PCDHGA1: variants seen among roughly 807,000 people sequenced by gnomAD.
PCDHGA1 encodes the protein protocadherin gamma-A1.
A neutral mutation model predicts 58.0 loss-of-function variants in PCDHGA1; 32 were observed. The observed-to-expected ratio is 0.55, with a 90% CI of 0.42 to 0.74. The LOEUF is 0.74. PCDHGA1 is among the 30% of genes least tolerant of loss of function. The pLI, the probability that PCDHGA1 is intolerant of heterozygous loss-of-function variation, is 0.00. For synonymous variants in PCDHGA1, 498 were observed against 501.1 expected (o/e 0.99, Z 0.08); for missense variants, 1,205 against 1,182.3 (o/e 1.02, Z -0.28).
At chr5:141,403,054 A>C in intron 1 of PCDHGA1, 1 of 1,614,062 alleles carries the variant, frequency 6.2e-7, no homozygotes, top group Middle Eastern at 1.6e-4. Flanking sequence ...TTCGCTACTC[A>C]GTGCCTGAAG....
chr5:141,509,663 G>A (rs933532930), intron 3 of PCDHGA1, among the ~76,000 whole-genome samples: 1 of 152,140 alleles, frequency 6.6e-6, no homozygotes, highest in Non-Finnish European at 1.5e-5. Context: ...ACTTCTCTGG[G>A]CCCCAGTTTC....
chr5:141,438,627 T>TATAC (rs2098031123), intron 1 of PCDHGA1, among the ~76,000 whole-genome samples: 4 of 48,012 alleles, frequency 8.3e-5, no homozygotes, highest in Admixed American at 6.2e-4. Flanking sequence ...TATATATATA[T>TATAC]ATATATATAC....
At chr5:141,362,593 A>G (rs777823530) in intron 1 of PCDHGA1, 1 of 1,589,406 alleles carries the variant, frequency 6.3e-7, no homozygotes, top group Non-Finnish European at 8.6e-7. Context: ...TTCTGGTTTT[A>G]TTGTTTCACC....
At chr5:141,399,644 A>G (rs2093855347) in intron 1 of PCDHGA1, 2 of 1,613,810 alleles carry the variant, frequency 1.2e-6, no homozygotes, top group Non-Finnish European at 8.5e-7. Context: ...ATGAGCGCGC[A>G]AAGTGGGGTG....
At position 141,512,765 on chromosome 5, in the gene PCDHGA1, G is replaced by C. The variant is rs988707269; in HGVS notation, c.*1592G>C. 1 of 152,668 alleles carries C rather than the reference G, an allele frequency of 6.6e-6. No individual in the cohort carries two copies. The highest frequency in any genetic ancestry group is 1.5e-5 in the Non-Finnish European group (1 of 68,460). The allele number at this position is 152,668 out of a possible 1,614,324, so 9.5% of individuals were successfully genotyped here. On this transcript the variant is annotated 3_prime_UTR_variant, in exon 4 of 4. Transcript: ENST00000517417. ...CCGCGCAGCCGTCTGTCCTTGATCT[G>C]CCCGCGGCGGCCCGTGTTGTGTTTT...
At position 141,331,492 on chromosome 5, in the gene PCDHGA1, G is replaced by A. The variant is rs149650270; in HGVS notation, c.808G>A (p.Asp270Asn). ...QLLMVNATDPDEGANGEVTYS... is the reference protein window; with the variant it reads ...QLLMVNATDPNEGANGEVTYS... ...GCTCATGGTAAATGCCACTGACCCT[G>A]ATGAGGGAGCCAATGGGGAAGTAAC... Residue 270 changes from aspartate to asparagine, a missense_variant, in exon 1 of 4, where the codon GAT becomes AAT. Asp to Asn is a conservative substitution (Grantham distance 23, BLOSUM62 1). Coordinates refer to ENST00000517417, the MANE Select transcript of PCDHGA1 (RefSeq NM_018912.3). The A allele has an allele frequency of 1.4e-4, 230 of 1,614,166 alleles. No individual in the cohort carries two copies. In the African/African-American group the frequency reaches 2.7e-3, roughly 19 times the overall value.
At position 141,505,378 on chromosome 5, in the gene PCDHGA1, C is replaced by T. The variant is rs376550639; in HGVS notation, c.2481-15C>T. 2 of 1,614,034 alleles carry T rather than the reference C, an allele frequency of 1.2e-6. No homozygotes were observed. The highest frequency in any genetic ancestry group is 2.2e-5 in the East Asian group (1 of 44,872). On this transcript the variant is annotated splice_polypyrimidine_tract_variant and intron_variant, in intron 2 of 3. Transcript: ENST00000517417. ...GGCCTGGGAGTCTGTGCTCACCATC[C>T]TACTCTCTCCCCAGCTCCCAAAATG...
At chr5:141,359,955 C>A in intron 1 of PCDHGA1, 1 of 566,746 alleles carries the variant, frequency 1.8e-6, no homozygotes, top group Non-Finnish European at 2.8e-6. Flanking sequence ...GTCAAAAGAA[C>A]GAAGAGAAGC....
intron 1 of PCDHGA1, chr5:141,399,982 A>C: frequency 6.2e-7 from 1 of 1,612,330 alleles, no homozygotes; most frequent in Non-Finnish European, 8.5e-7. Context: ...GGGGCTGCGC[A>C]CAGGAGAGGT....
intron 1 of PCDHGA1, chr5:141,384,047 C>T (rs775378618): frequency 4.3e-6 from 7 of 1,612,190 alleles, no homozygotes; most frequent in African/African-American, 1.3e-5. Flanking sequence ...GGTGAGGTGA[C>T]CTGCACCATT....
rs201895231 is a variant in PCDHGA1 at position 141,392,844 on chromosome 5, G to A, written c.2421+59739G>A. On this transcript the variant is annotated intron_variant, in intron 1 of 3. Coordinates refer to ENST00000517417, the MANE Select transcript of PCDHGA1 (RefSeq NM_018912.3). ...CGCTCCACAGAGTCGCCCCAGACGC[G>A]GCGAGCTGATCCTGCTGTGCGCGCT... The A allele has an allele frequency of 1.3e-5, 21 of 1,609,468 alleles. 1 individual carries two copies. The East Asian group carries it at 1.6e-4, about 12-fold the overall frequency.
chr5:141,372,703 T>C (rs1379730424), intron 1 of PCDHGA1: 1 of 1,614,012 alleles, frequency 6.2e-7, no homozygotes, highest in Non-Finnish European at 8.5e-7. Context: ...TTTCTCAATA[T>C]AAAGGCTGAA....
intron 1 of PCDHGA1, chr5:141,362,379 G>A (rs963441709): frequency 1.2e-5 from 19 of 1,614,004 alleles, no homozygotes; most frequent in Non-Finnish European, 1.5e-5. Flanking sequence ...AGGGTACATT[G>A]CCCTATTCCT....
chr5:141,360,291 G>A (rs1221790863), intron 1 of PCDHGA1: 2 of 1,613,874 alleles, frequency 1.2e-6, no homozygotes, highest in African/African-American at 2.7e-5. Context: ...ACCTCGCCAA[G>A]GATCTGGGGC....
intron 1 of PCDHGA1, among the ~76,000 whole-genome samples, chr5:141,480,895 A>G (rs1275670492): frequency 6.6e-6 from 1 of 152,048 alleles, no homozygotes; most frequent in African/African-American, 2.4e-5. Flanking sequence ...AAATGCAAAC[A>G]TTAGCTGGGC....
intron 1 of PCDHGA1, chr5:141,360,925 G>A: frequency 6.2e-7 from 1 of 1,614,018 alleles, no homozygotes; most frequent in Non-Finnish European, 8.5e-7. Context: ...TGTGCTTCAA[G>A]TGACAGCCAC....
Position 141,490,122 on chromosome 5 carries a change from C to T in PCDHGA1, c.2422-4685C>T. 3 of 1,614,260 alleles carry T rather than the reference C, an allele frequency of 1.9e-6. No homozygotes were observed. The highest frequency in any genetic ancestry group is 2.5e-6 in the Non-Finnish European group (3 of 1,180,046). On this transcript the variant is annotated intron_variant, in intron 1 of 3. Coordinates refer to ENST00000517417, the MANE Select transcript of PCDHGA1 (RefSeq NM_018912.3). The surrounding 1 kb of genome is among the most constrained non-coding windows in gnomAD (Gnocchi z 5.4). ...CTGAGGCAGTGCGGAACCTCTTTGG[C>T]CTAGACCCTAGCAGTGGGGCAATCC... is the stretch of plus-strand genomic sequence containing the variant.
intron 1 of PCDHGA1, among the ~76,000 whole-genome samples, chr5:141,488,348 C>G (rs1231687770): frequency 3.2e-4 from 49 of 152,106 alleles, no homozygotes; most frequent in Admixed American, 3.2e-3. Context: ...TAGAAACAGC[C>G]ACCCTGTGCA....
chr5:141,387,871 G>A (rs1275687057), intron 1 of PCDHGA1: 4 of 1,589,520 alleles, frequency 2.5e-6, no homozygotes, highest in Admixed American at 1.8e-5. Context: ...AGCAAGCTGA[G>A]GAGAGCAAGA....
Sources: gnomAD v4.1 joint callset for allele counts (sites outside exome capture counted in the v4.1 genomes callset) on GRCh38, gnomAD v4.1.1 for gene constraint, Gnocchi (gnomAD v3.1) non-coding constraint, MANE v1.5 for transcripts, NCBI Gene and HGNC (gene_info 2026-07-23, HGNC 2026-07-21) for gene names.